Variants in FTCDNL1 observed in about 807,000 individuals in gnomAD.
FTCDNL1 encodes the protein formiminotransferase cyclodeaminase N-terminal like, also known as formiminotransferase N-terminal subdomain-containing protein.
A neutral mutation model predicts 5.9 loss-of-function variants in FTCDNL1; 11 were observed. That is an observed-to-expected ratio of 1.87 (90% CI 1.18 to 3.10). FTCDNL1 has a LOEUF of 3.10. FTCDNL1 is among the 30% of genes most tolerant of loss of function. FTCDNL1 has a pLI of 0.00. For missense variants in FTCDNL1, 115 were observed against 65.5 expected, an observed-to-expected ratio of 1.76 and a Z score of -2.61; for synonymous variants, 58 against 24.8, an observed-to-expected ratio of 2.34 and a Z score of -3.99.
At chr2:199,831,262 T>C (rs1309005756) in intron 3 of FTCDNL1, among the ~76,000 whole-genome samples, 1 of 152,212 alleles carries the variant, frequency 6.6e-6, no homozygotes, top group East Asian at 1.9e-4. Context: ...TTGATTTTCA[T>C]ATAAAATTAA....
chr2:199,692,040 G>T, the FTCDNL1 span, among the ~76,000 whole-genome samples: 3 of 152,056 alleles, frequency 2.0e-5, no homozygotes, highest in African/African-American at 7.2e-5. Context: ...CTTAAAATGC[G>T]GAACACACTA....
At chr2:199,771,489 C>A (rs34090087) in intron 3 of FTCDNL1, among the ~76,000 whole-genome samples, 11,210 of 152,186 alleles carry the variant, frequency 0.074, 525 homozygotes, top group East Asian at 0.2. Context: ...AACAAGAATT[C>A]ATGATAAATA....
chr2:199,763,640 C>T (rs1413463606), intron 3 of FTCDNL1, among the ~76,000 whole-genome samples: 2 of 151,980 alleles, frequency 1.3e-5, no homozygotes, highest in Non-Finnish European at 2.9e-5. Flanking sequence ...GATTTGAATG[C>T]CGAGACTATT....
chr2:199,779,765 G>C (rs925417844), intron 3 of FTCDNL1, among the ~76,000 whole-genome samples: 5 of 152,190 alleles, frequency 3.3e-5, no homozygotes, highest in Admixed American at 3.3e-4. Context: ...GGTGACATCA[G>C]CCTCCAGCAA....
intron 3 of FTCDNL1, among the ~76,000 whole-genome samples, chr2:199,832,773 C>T (rs982305140): frequency 6.6e-6 from 1 of 152,036 alleles, no homozygotes; most frequent in Non-Finnish European, 1.5e-5. Flanking sequence ...TAATGACAGC[C>T]GGTAGGAGGC....
At position 199,779,691 on chromosome 2, in the gene FTCDNL1, T is replaced by C. The variant is rs1176132045; in HGVS notation, c.212-18856A>G. Among the ~76,000 whole-genome samples, 2 of 152,136 alleles carry C rather than the reference T, an allele frequency of 1.3e-5. 1 individual carries two copies. The highest frequency in any genetic ancestry group is 1.3e-4 in the Admixed American group (2 of 15,284). ...GCAAGGACATAAGGACAATCAAACC[T>C]GGAAAACCATGGCCCAGTGTGGTTT... On this transcript the variant is annotated intron_variant, in intron 3 of 3. Transcript: ENST00000416668.
the FTCDNL1 span, among the ~76,000 whole-genome samples, chr2:199,671,429 T>C: frequency 6.6e-6 from 1 of 151,664 alleles, no homozygotes; most frequent in African/African-American, 2.4e-5. Flanking sequence ...GGGAACCACA[T>C]GTAGGCAAGA....
the FTCDNL1 span, among the ~76,000 whole-genome samples, chr2:199,745,130 T>A: frequency 2.0e-5 from 3 of 152,246 alleles, no homozygotes; most frequent in Non-Finnish European, 4.4e-5. Context: ...CAAATGCAGA[T>A]TGCCACTTCA....
At chr2:199,822,098 C>T (rs1426231226) in intron 3 of FTCDNL1, among the ~76,000 whole-genome samples, 1 of 152,028 alleles carries the variant, frequency 6.6e-6, no homozygotes, top group African/African-American at 2.4e-5. Context: ...AATATATATA[C>T]CTTAATTTAA....
chr2:199,774,780 TCA>T (rs1490307750), intron 3 of FTCDNL1, among the ~76,000 whole-genome samples: 4 of 152,162 alleles, frequency 2.6e-5, no homozygotes, highest in African/African-American at 7.2e-5. Flanking sequence ...CTGTCCTTGA[TCA>T]CAGAGATAAG....
In FTCDNL1 at chr2:199,777,586, C is replaced by A. The variant is rs147804452; in HGVS notation, c.212-16751G>T. The stretch of plus-strand genomic sequence containing the variant: ...AAATATTAATCTCATCATAAGAATA[C>A]CTTCACAGAAACAATTAGAAGAATG... On this transcript the variant is annotated intron_variant, in intron 3 of 3. Coordinates refer to the FTCDNL1 transcript ENST00000416668. Among the ~76,000 whole-genome samples the A allele has an allele frequency of 3.3e-3, 510 of 152,244 alleles. 4 individuals are homozygous for A. Among genetic ancestry groups the A allele is most frequent in the African/African-American group, 0.012 (489 of 41,524 alleles).
the FTCDNL1 span, among the ~76,000 whole-genome samples, chr2:199,712,604 A>C: frequency 1.3e-5 from 2 of 152,204 alleles, no homozygotes; most frequent in Admixed American, 6.5e-5. Context: ...GTCAACACAA[A>C]TGTAGTCTCT....
chr2:199,666,285 C>T, the FTCDNL1 span, among the ~76,000 whole-genome samples: 3 of 152,028 alleles, frequency 2.0e-5, no homozygotes, highest in East Asian at 1.9e-4. Flanking sequence ...AAAGAAAAAA[C>T]GCACACACAG....
At chr2:199,787,547 A>C (rs990604023) in intron 3 of FTCDNL1, among the ~76,000 whole-genome samples, 4 of 152,194 alleles carry the variant, frequency 2.6e-5, no homozygotes, top group African/African-American at 9.7e-5. Context: ...GGATTAAGAC[A>C]TTGAGACTTT....
intron 4 of FTCDNL1, among the ~76,000 whole-genome samples, chr2:199,814,451 G>C (rs192262715): frequency 2.6e-5 from 4 of 152,280 alleles, no homozygotes; most frequent in Middle Eastern, 3.4e-3. Context: ...CTTGCTCTGT[G>C]AGGCATTGTG....
At chr2:199,785,887 A>G (rs1699617897) in intron 3 of FTCDNL1, among the ~76,000 whole-genome samples, 1 of 152,186 alleles carries the variant, frequency 6.6e-6, no homozygotes. Context: ...TTCGTGGAAG[A>G]CAATTTTTCC....
At chr2:199,763,131 C>T (rs948677558) in intron 3 of FTCDNL1, among the ~76,000 whole-genome samples, 1 of 152,188 alleles carries the variant, frequency 6.6e-6, no homozygotes, top group East Asian at 1.9e-4. Context: ...GCTCAGGGCC[C>T]ATCCGGTTCT....
rs553008901 is a variant in FTCDNL1 at position 199,809,797 on chromosome 2, C to G, written c.*2908G>C. Reference sequence around the variant, plus strand: ...CAAAATTCTATATCTGGTTTATGAGCAGCAGATCATCTTAAAAGTAGTAAG... The same window carrying G: ...CAAAATTCTATATCTGGTTTATGAGGAGCAGATCATCTTAAAAGTAGTAAG... On this transcript the variant is annotated 3_prime_UTR_variant, in exon 5 of 5. Transcript: ENST00000420128. Among the ~76,000 whole-genome samples, 1 of 152,086 alleles carries G rather than the reference C, an allele frequency of 6.6e-6. No homozygotes were observed. The highest frequency in any genetic ancestry group is 1.5e-5 in the Non-Finnish European group (1 of 68,022).
the FTCDNL1 span, among the ~76,000 whole-genome samples, chr2:199,740,242 A>G: frequency 5.3e-5 from 8 of 152,338 alleles, no homozygotes; most frequent in Admixed American, 4.6e-4. Flanking sequence ...TGAAAGGACA[A>G]GAGAAACAAA....
Sources: allele counts gnomAD v4.1 joint callset (sites outside exome capture counted in the v4.1 genomes callset), GRCh38; gene constraint gnomAD v4.1.1; transcripts MANE v1.5; gene names NCBI Gene and HGNC (gene_info 2026-07-23, HGNC 2026-07-21).